The following TRDN variants were observed in gnomAD, a reference collection of about 807,000 sequenced individuals.
The protein encoded by TRDN is triadin in skeletal muscle.
In TRDN, 161 loss-of-function variants were observed where a neutral mutation model predicts 149.7. The observed-to-expected ratio is 1.08, with a 90% confidence interval of 0.95 to 1.23. The LOEUF is 1.23. TRDN is among the 50% of genes most tolerant of loss of function. The pLI, the probability that TRDN is intolerant of heterozygous loss-of-function variation, is 0.00. For missense variants in TRDN, 896 were observed against 823.5 expected, an observed-to-expected ratio of 1.09 and a Z score of -1.08; for synonymous variants, 294 against 250.5, an observed-to-expected ratio of 1.17 and a Z score of -1.64.
intron 2 of TRDN, among the ~76,000 whole-genome samples, chr6:123,549,081 T>C (rs1781260053): frequency 6.6e-6 from 1 of 152,064 alleles, no homozygotes; most frequent in Non-Finnish European, 1.5e-5. Flanking sequence ...CCATTTATTC[T>C]AATTTGTGAT....
chr6:123,259,603 G>A (rs537674972), intron 35 of TRDN, 21 bp downstream of exon 35: 1 of 1,440,184 alleles, frequency 6.9e-7, no homozygotes, highest in African/African-American at 1.4e-5. Context: ...TGATGTATAT[G>A]TCTTAAAATG....
rs981200594 is a variant in TRDN at position 123,548,490 on chromosome 6, C to T, written c.355G>A (p.Glu119Lys). 2.5e-6 allele frequency: 4 copies of T among 1,574,266 alleles called. No individual in the cohort carries two copies. In the African/African-American group the frequency reaches 5.4e-5, roughly 21 times the overall value. ...LLSDIISSED[E>K]EDDDGDEDTD... Reference sequence around the variant, plus strand: ...TCTTCGTCACCATCATCATCTTCTTCATCTTCAGATGAGATGATGTCAGAT... The same window carrying T: ...TCTTCGTCACCATCATCATCTTCTTTATCTTCAGATGAGATGATGTCAGAT... The change falls in exon 3 of 41, where the codon GAA becomes AAA. Residue 119 changes from glutamate (E) to lysine (K), a missense_variant. Physicochemically the swap from Glu to Lys is moderately conservative, Grantham distance 56. Transcript: ENST00000334268.
intron 12 of TRDN, among the ~76,000 whole-genome samples, chr6:123,403,216 CA>C (rs1773054697): frequency 6.6e-6 from 1 of 151,790 alleles, no homozygotes; most frequent in Admixed American, 6.6e-5. Context: ...TTAAATGAGG[CA>C]ATAAAGTTCA....
chr6:123,511,782 T>G (rs1286626884), intron 7 of TRDN, among the ~76,000 whole-genome samples: 1 of 151,454 alleles, frequency 6.6e-6, no homozygotes, highest in African/African-American at 2.4e-5. Flanking sequence ...AGGAAAGAAT[T>G]GGCTTTAATG....
At chr6:123,590,659 G>A (rs1783734152) in intron 1 of TRDN, among the ~76,000 whole-genome samples, 1 of 152,106 alleles carries the variant, frequency 6.6e-6, no homozygotes, top group Admixed American at 6.5e-5. Context: ...CTACTTGGGA[G>A]GCTGAGGCAG....
intron 20 of TRDN, among the ~76,000 whole-genome samples, chr6:123,356,402 G>GAAATT: frequency 6.7e-6 from 1 of 150,014 alleles, no homozygotes; most frequent in African/African-American, 2.4e-5. Context: ...TTGCATTTCT[G>GAAATT]AAATTAAACC....
chr6:123,301,770 C>CATATATATATATATACATATAT (rs1562252279), intron 24 of TRDN, among the ~76,000 whole-genome samples: 10 of 57,828 alleles, frequency 1.7e-4, no homozygotes, highest in Admixed American at 5.7e-4. Flanking sequence ...TATATATATA[C>CATATATATATATATACATATAT]ATATATATAT....
intron 19 of TRDN, among the ~76,000 whole-genome samples, chr6:123,371,942 T>C (rs1781342550): frequency 6.6e-6 from 1 of 152,102 alleles, no homozygotes; most frequent in Admixed American, 6.6e-5. Flanking sequence ...TAATATATTA[T>C]ACAAAATCGA....
At chr6:123,461,932 C>T (rs1776471892) in intron 10 of TRDN, among the ~76,000 whole-genome samples, 1 of 151,946 alleles carries the variant, frequency 6.6e-6, no homozygotes. Context: ...GCGTTTCAGC[C>T]CTAGTAAGAG....
intron 12 of TRDN, among the ~76,000 whole-genome samples, chr6:123,396,663 T>C (rs1772745398): frequency 6.6e-6 from 1 of 152,126 alleles, no homozygotes; most frequent in South Asian, 2.1e-4. Context: ...TATAAACAAA[T>C]TGTCATGAAT....
At chr6:123,234,806 T>G (rs555917319) in intron 38 of TRDN, among the ~76,000 whole-genome samples, 5 of 152,194 alleles carry the variant, frequency 3.3e-5, no homozygotes, top group African/African-American at 1.2e-4. Context: ...GAAATTAAAA[T>G]AAAAAACTAA....
intron 38 of TRDN, among the ~76,000 whole-genome samples, chr6:123,235,459 A>G (rs914722959): frequency 6.6e-6 from 1 of 152,160 alleles, no homozygotes; most frequent in African/African-American, 2.4e-5. Context: ...GTAAAGACAA[A>G]GAAAAAGATA....
At chr6:123,557,177 G>A (rs761105570) in intron 2 of TRDN, among the ~76,000 whole-genome samples, 2 of 150,348 alleles carry the variant, frequency 1.3e-5, no homozygotes, top group Non-Finnish European at 3.0e-5. Flanking sequence ...GACTCAGCCC[G>A]CCTGCACCCA....
intron 21 of TRDN, among the ~76,000 whole-genome samples, chr6:123,339,291 C>T (rs1779983790): frequency 6.6e-6 from 1 of 152,138 alleles, no homozygotes; most frequent in Non-Finnish European, 1.5e-5. Flanking sequence ...AGGCGTGAGC[C>T]ACCATGCCCG....
At chr6:123,631,019 T>A (rs1360141432) in intron 1 of TRDN, among the ~76,000 whole-genome samples, 3 of 151,902 alleles carry the variant, frequency 2.0e-5, no homozygotes, top group Non-Finnish European at 2.9e-5. Flanking sequence ...TACTACTCTA[T>A]CACACTCTCT....
intron 12 of TRDN, 100 bp from the exon 13 acceptor site, chr6:123,393,777 A>T: frequency 8.5e-7 from 1 of 1,182,012 alleles, no homozygotes; most frequent in Non-Finnish European, 1.2e-6. Context: ...GAGCATAAAA[A>T]GTGTTGCTTT....
rs150297503 is a variant in TRDN, at chr6:123,368,165, G to A, written c.1274-1983C>T. On this transcript the variant is annotated intron_variant, in intron 19 of 40. Coordinates refer to ENST00000334268, the MANE Select transcript of TRDN (RefSeq NM_006073.4). Reference sequence around the variant, plus strand: ...TTTTCCATCCTCCACATACCAAGGTGTATAGAAGTAATGCATATTTATATC... The same window carrying A: ...TTTTCCATCCTCCACATACCAAGGTATATAGAAGTAATGCATATTTATATC... Among the ~76,000 whole-genome samples the A allele has an allele frequency of 7.0e-3, 1,065 of 152,252 alleles. 4 individuals carry two copies. The highest frequency in any genetic ancestry group is 0.014 in the Admixed American group (215 of 15,292).
At chr6:123,357,167 A>G (rs899552693) in intron 20 of TRDN, among the ~76,000 whole-genome samples, 1 of 152,006 alleles carries the variant, frequency 6.6e-6, no homozygotes, top group African/African-American at 2.4e-5. Flanking sequence ...TTTGACTTAT[A>G]GAATACTTAG....
At chr6:123,410,828 C>G (rs889881108) in intron 12 of TRDN, among the ~76,000 whole-genome samples, 2 of 151,874 alleles carry the variant, frequency 1.3e-5, no homozygotes, top group African/African-American at 2.4e-5. Context: ...ATTTCTGTCC[C>G]TTAGTGTGTT....
Sources: gnomAD v4.1 joint callset for allele counts (sites outside exome capture counted in the v4.1 genomes callset) on GRCh38, gnomAD v4.1.1 for gene constraint, MANE v1.5 for transcripts, NCBI Gene and HGNC (gene_info 2026-07-23, HGNC 2026-07-21) for gene names.